The following PDE4D variants were observed in gnomAD, a reference collection of about 807,000 sequenced individuals.
PDE4D encodes 3',5'-cyclic-AMP phosphodiesterase 4D.
Under a neutral mutation model 87.4 loss-of-function variants are expected in PDE4D, and 24 were observed. The ratio of observed to expected loss-of-function variants is 0.27; its 90% CI spans 0.20 to 0.39. PDE4D has a LOEUF of 0.39. Among genes scored for constraint, PDE4D ranks in the 10% least tolerant of loss-of-function variants. The probability of loss-of-function intolerance (pLI) is 1.00; values close to 1 mark genes in which losing one functional copy is unlikely to be tolerated. For synonymous variants in PDE4D, 384 were observed against 383.2 expected, an observed-to-expected ratio of 1.00 and a Z score of -0.02; for missense variants, 714 against 1,041.0, an observed-to-expected ratio of 0.69 and a Z score of 4.32.
At chr5:59,649,817 C>T (rs1466726174) in intron 1 of PDE4D, among the ~76,000 whole-genome samples, 1 of 148,028 alleles carries the variant, frequency 6.8e-6, no homozygotes, top group Non-Finnish European at 1.5e-5. Context: ...GACACAGTTC[C>T]ATTCTACATA....
At chr5:59,880,364 C>T (rs566834680) in intron 1 of PDE4D, among the ~76,000 whole-genome samples, 88 of 152,288 alleles carry the variant, frequency 5.8e-4, no homozygotes, top group African/African-American at 2.1e-3. Flanking sequence ...CCCGCCTCGG[C>T]CTCCTAAAGT....
At chr5:59,039,166 C>T (rs2153393749) in intron 5 of PDE4D, 195 bp from the exon 6 acceptor site, 6 of 1,349,414 alleles carry the variant, frequency 4.4e-6, no homozygotes, top group Admixed American at 3.6e-5. Context: ...CGGCCGGCCT[C>T]GGGGAGGCAC....
intron 6 of PDE4D, among the ~76,000 whole-genome samples, chr5:59,006,904 G>A (rs924392781): frequency 1.3e-5 from 2 of 152,178 alleles, no homozygotes; most frequent in Non-Finnish European, 2.9e-5. Flanking sequence ...AAGGCTCAGA[G>A]AGGTCAAGTT....
chr5:60,369,408 G>A (rs898366997), intron 1 of PDE4D, among the ~76,000 whole-genome samples: 5 of 152,048 alleles, frequency 3.3e-5, no homozygotes, highest in African/African-American at 1.2e-4. Flanking sequence ...TTCCCCATGG[G>A]TTCAGAACCC....
At chr5:59,735,064 C>T (rs1032405462) in intron 1 of PDE4D, among the ~76,000 whole-genome samples, 7 of 151,990 alleles carry the variant, frequency 4.6e-5, no homozygotes, top group African/African-American at 1.2e-4. Flanking sequence ...TATCTATTGC[C>T]CATAGGATAT....
chr5:59,872,300 C>CACACACAGA (rs10693446), intron 1 of PDE4D, among the ~76,000 whole-genome samples: 7 of 146,974 alleles, frequency 4.8e-5, no homozygotes, highest in African/African-American at 1.8e-4. Flanking sequence ...CACACACACA[C>CACACACAGA]AAGAGCACAC....
chr5:59,242,177 G>A (rs1429226039), intron 1 of PDE4D, among the ~76,000 whole-genome samples: 2 of 152,106 alleles, frequency 1.3e-5, no homozygotes, highest in African/African-American at 4.8e-5. Flanking sequence ...GATCACTTGA[G>A]CCCAGGAGTT....
At chr5:59,339,238 T>C (rs1778280114) in intron 1 of PDE4D, among the ~76,000 whole-genome samples, 1 of 152,232 alleles carries the variant, frequency 6.6e-6, no homozygotes, top group African/African-American at 2.4e-5. Context: ...GTTTTGCTTT[T>C]TCTGATGTAG....
intron 5 of PDE4D, among the ~76,000 whole-genome samples, chr5:59,167,263 T>C (rs1181053824): frequency 6.6e-6 from 1 of 152,182 alleles, no homozygotes; most frequent in African/African-American, 2.4e-5. Context: ...CTCCTTCACA[T>C]AGATTTTGAC....
At chr5:60,192,160 T>C (rs1335345414) in intron 1 of PDE4D, among the ~76,000 whole-genome samples, 1 of 152,082 alleles carries the variant, frequency 6.6e-6, no homozygotes, top group Non-Finnish European at 1.5e-5. Flanking sequence ...AAGTAGAAAT[T>C]TTGCAAAATT....
At chr5:59,305,386 T>G (rs11747358) in intron 1 of PDE4D, among the ~76,000 whole-genome samples, 70,306 of 151,324 alleles carry the variant, frequency 0.46, 16,541 homozygotes, top group Admixed American at 0.54. Context: ...ATGGTTTTTT[T>G]TTGTTTCAAT....
At chr5:59,189,043 C>T (rs564549866) in intron 3 of PDE4D, among the ~76,000 whole-genome samples, 1 of 152,146 alleles carries the variant, frequency 6.6e-6, no homozygotes, top group Admixed American at 6.5e-5. Context: ...GATGAGGCCA[C>T]AAGATCGTTG....
At chr5:59,150,991 T>C (rs955929323) in intron 5 of PDE4D, among the ~76,000 whole-genome samples, 2 of 152,170 alleles carry the variant, frequency 1.3e-5, no homozygotes, top group African/African-American at 4.8e-5. Context: ...GGCAGAGTCC[T>C]GAGAAAGACA....
At chr5:59,352,679 A>T (rs1780711168) in intron 1 of PDE4D, among the ~76,000 whole-genome samples, 1 of 152,162 alleles carries the variant, frequency 6.6e-6, no homozygotes, top group Non-Finnish European at 1.5e-5. Context: ...TATAGGAGGT[A>T]ATTTAGGGAT....
In PDE4D at chr5:59,754,797, A is replaced by ATTTTTTTTTTTTT. The variant is rs754869518; in HGVS notation, c.455+138358_455+138370dup. Among the ~76,000 whole-genome samples, 19 of 96,868 alleles carry ATTTTTTTTTTTTT rather than the reference A, an allele frequency of 2.0e-4. 8 individuals are homozygous for ATTTTTTTTTTTTT. Among genetic ancestry groups the ATTTTTTTTTTTTT allele is most frequent in the Non-Finnish European group, 2.2e-4 (11 of 49,874 alleles). The allele number at this position is 96,868 out of a possible 152,430, so 63.5% of individuals were successfully genotyped here. A position where few individuals can be genotyped will look rare whatever the true frequency, so the allele number is the denominator to read the frequency against. On this transcript the variant is annotated intron_variant, in intron 1 of 14. Coordinates refer to ENST00000340635, the MANE Select transcript of PDE4D (RefSeq NM_001104631.2). Reference sequence around the variant, plus strand: ...GCAGGTACAGAATTTTCCACAGAACATTTTTTTTTTTTTTTTTTTTTTTTT... The same window carrying ATTTTTTTTTTTTT: ...GCAGGTACAGAATTTTCCACAGAACATTTTTTTTTTTTTTTTTTTTTTTTTTTTTTTTTTTTTT...
At chr5:60,030,949 T>G (rs2152859623) in intron 2 of PDE4D, 1 of 152,350 alleles carries the variant, frequency 6.6e-6, no homozygotes, top group African/African-American at 2.4e-5. Flanking sequence ...CTGCAATTTT[T>G]ATGATTTGGA....
chr5:59,645,799 G>C (rs1328057778), intron 1 of PDE4D, among the ~76,000 whole-genome samples: 1 of 152,178 alleles, frequency 6.6e-6, no homozygotes, highest in Admixed American at 6.5e-5. Flanking sequence ...ATTTGATAGA[G>C]ATATTTCCCA....
chr5:59,016,419 T>TAA (rs1429813448), intron 6 of PDE4D, among the ~76,000 whole-genome samples: 1 of 137,026 alleles, frequency 7.3e-6, no homozygotes, highest in Non-Finnish European at 1.6e-5. Flanking sequence ...TTTAATGTAG[T>TAA]CCATAGGAAT....
intron 1 of PDE4D, among the ~76,000 whole-genome samples, chr5:59,439,112 A>C (rs961051513): frequency 1.3e-5 from 2 of 152,180 alleles, no homozygotes; most frequent in Non-Finnish European, 2.9e-5. Flanking sequence ...TAATCCCAGC[A>C]CTTTGGGAAG....
Sources: gnomAD v4.1 joint callset for allele counts (sites outside exome capture counted in the v4.1 genomes callset) on GRCh38, gnomAD v4.1.1 for gene constraint, MANE v1.5 for transcripts, NCBI Gene and HGNC (gene_info 2026-07-23, HGNC 2026-07-21) for gene names.